The following CTBS variants were observed in gnomAD, a reference collection of about 807,000 sequenced individuals.
CTBS encodes chitobiase, also known as di-N-acetylchitobiase.
CTBS carries 35 observed loss-of-function variants against 44.3 expected under a neutral mutation model. The ratio of observed to expected loss-of-function variants is 0.79; its 90% CI spans 0.60 to 1.05. The LOEUF (loss-of-function observed/expected upper bound fraction) is 1.05. Ranked by LOEUF, CTBS falls within the 50% of genes least tolerant of loss-of-function variation. CTBS has a pLI of 0.00. For missense variants in CTBS, 458 were observed against 475.3 expected, an observed-to-expected ratio of 0.96 and a Z score of 0.34; for synonymous variants, 143 against 168.0, an observed-to-expected ratio of 0.85 and a Z score of 1.15.
chr1:84,563,938 T>C (rs1684641901), intron 4 of CTBS, 106 bp from the exon 5 acceptor site: 1 of 1,268,716 alleles, frequency 7.9e-7, no homozygotes, highest in East Asian at 2.8e-5. Flanking sequence ...CAAGTACATT[T>C]ATAAAAAACA....
In CTBS at chr1:84,553,886, CCCT is replaced by C. The variant is rs1185309857; in HGVS notation, c.*1110_*1112del. On this transcript the variant is annotated 3_prime_UTR_variant, in exon 7 of 7. Coordinates refer to ENST00000370630, the MANE Select transcript of CTBS (RefSeq NM_004388.3). ...GGGCAGCACAATGTTGTTCTTAATT[CCCT>C]GGAGAAAGAAAACAGACTTTATTAC... 2 of 152,058 alleles carry C rather than the reference CCCT, an allele frequency of 1.3e-5. No individual in the cohort carries two copies. Among genetic ancestry groups the C allele is most frequent in the Non-Finnish European group, 2.9e-5 (2 of 67,986 alleles). 9.4% of individuals were successfully genotyped at this position (152,058 alleles called of 1,614,324 possible). A position where few individuals can be genotyped will look rare whatever the true frequency, so the allele number is the denominator to read the frequency against.
intron 4 of CTBS, chr1:84,564,053 T>C (rs1684644573): frequency 5.9e-6 from 1 of 170,300 alleles, no homozygotes. Context: ...TTCAAAACAA[T>C]TAAGATCATA....
chr1:84,568,331 G>A, intron 3 of CTBS, among the ~76,000 whole-genome samples: 1 of 151,376 alleles, frequency 6.6e-6, no homozygotes, highest in African/African-American at 2.5e-5. Flanking sequence ...AGGCCAAAAT[G>A]TGTGAGGAGG....
At chr1:84,573,572 A>C (rs1272187708) in intron 1 of CTBS, among the ~76,000 whole-genome samples, 1 of 152,324 alleles carries the variant, frequency 6.6e-6, no homozygotes, top group African/African-American at 2.4e-5. Flanking sequence ...TCTACAAAAG[A>C]ATCGTTCTTT....
rs756813307 is a variant in CTBS, at chr1:84,555,171, C to T, written c.986G>A (p.Trp329Ter). ...KDPAGHFHQV[W>*]YDNPQSISLK... ...AGAAATACTCTGAGGGTTATCATAC[C>T]ATACTTGATGAAAGTGGCCAGCAGG... Residue 329 changes from tryptophan to a stop codon, truncating the protein, a stop_gained, in exon 7 of 7, where the codon TGG becomes TAG. Coordinates refer to ENST00000370630, the MANE Select transcript of CTBS (RefSeq NM_004388.3). LOFTEE classifies it high-confidence loss of function. 2 of 1,613,548 alleles carry T rather than the reference C, an allele frequency of 1.2e-6. No homozygotes were observed. Among genetic ancestry groups the T allele is most frequent in the Non-Finnish European group, 1.7e-6 (2 of 1,179,730 alleles).
rs1684350286 is a variant in CTBS at position 84,553,909 on chromosome 1, T to C, written c.*1090A>G. ...TTCCCTGGAGAAAGAAAACAGACTT[T>C]ATTACATTTAGAAAACTTATTTGTA... On this transcript the variant is annotated 3_prime_UTR_variant, in exon 7 of 7. Coordinates refer to ENST00000370630, the MANE Select transcript of CTBS (RefSeq NM_004388.3). 1 of 152,206 alleles carries C rather than the reference T, an allele frequency of 6.6e-6. No individual in the cohort carries two copies. Among genetic ancestry groups the C allele is most frequent in the Non-Finnish European group, 1.5e-5 (1 of 68,032 alleles). The allele number at this position is 152,206 out of a possible 1,614,324, so 9.4% of individuals were successfully genotyped here.
Position 84,569,950 on chromosome 1 carries a change from C to A in CTBS, c.506G>T (p.Arg169Leu). The A allele has an allele frequency of 6.2e-7, 1 of 1,608,446 alleles. No homozygotes were observed. Among genetic ancestry groups the A allele is most frequent in the Non-Finnish European group, 8.5e-7 (1 of 1,178,870 alleles). ...TTTTACCTGTGATCCCTCAATTTCA[C>A]GATGGAAAGAGTCTGTAGTTTCTTT... The part of the protein sequence containing the change: ...LVKETTDSFH[R>L]EIEGSQVTFD... Residue 169 changes from arginine (R) to leucine (L), a missense_variant, in exon 3 of 7, where the codon CGT becomes CTT. By Grantham distance (102) the Arg-to-Leu change is moderately radical (BLOSUM62 -2). Transcript: ENST00000370630.
chr1:84,558,861 A>C (rs1684528704), intron 6 of CTBS, among the ~76,000 whole-genome samples: 1 of 152,078 alleles, frequency 6.6e-6, no homozygotes, highest in Non-Finnish European at 1.5e-5. Context: ...TGATTGTGCC[A>C]CTGCACTCCA....
chr1:84,572,686 G>C (rs1647349418), intron 1 of CTBS, among the ~76,000 whole-genome samples: 2 of 149,912 alleles, frequency 1.3e-5, no homozygotes, highest in Admixed American at 6.6e-5. Context: ...TCTTTTTTGA[G>C]ACATAGTCTT....
At position 84,570,584 on chromosome 1, in the gene CTBS, T is replaced by G. The variant is rs1255886252; in HGVS notation, c.314A>C (p.Lys105Thr). Residue 105 changes from lysine to threonine, a missense_variant and splice_region_variant, in exon 2 of 7, where the codon AAA (lysine) becomes ACA (threonine). Transcript: ENST00000370630. ...AHSKGARVVL[K>T]GDVSLKDIID... is the part of the protein sequence containing the mutation. The stretch of plus-strand genomic sequence containing the variant: ...ACATAGATCTGGAAACAACATACCT[T>G]TAAGTACTACTCTGGCTCCTTTTGA... 1.2e-6 allele frequency: 2 copies of G among 1,610,522 alleles called. No homozygotes were observed. Among genetic ancestry groups the G allele is most frequent in the Non-Finnish European group, 1.7e-6 (2 of 1,177,984 alleles).
chr1:84,569,413 G>A (rs1055181093), intron 3 of CTBS, among the ~76,000 whole-genome samples: 8 of 152,180 alleles, frequency 5.3e-5, no homozygotes, highest in African/African-American at 1.9e-4. Context: ...CTGTTGTCTG[G>A]CAAGATAGCT....
chr1:84,570,268 T>A, intron 2 of CTBS, 129 bp from the exon 3 acceptor site: 1 of 737,426 alleles, frequency 1.4e-6, no homozygotes, highest in Non-Finnish European at 2.2e-6. Flanking sequence ...CCATTACTCA[T>A]GAATCTCCAA....
At position 84,553,098 on chromosome 1, in the gene CTBS, AT is replaced by A. The variant is rs1222892624; in HGVS notation, c.*1900del. On this transcript the variant is annotated 3_prime_UTR_variant, in exon 7 of 7. Transcript: ENST00000370630. ...AACTGAACTGGCACAGAAAAAAAAA[AT>A]AATACATCTCTACAATCTCAATTAG... is the stretch of plus-strand genomic sequence containing the variant. 6.6e-6 allele frequency: 10 copies of A among 1,519,792 alleles called. No homozygotes were observed. In the South Asian group the frequency reaches 7.7e-5, roughly 12 times the overall value. 94.1% of individuals were successfully genotyped at this position (1,519,792 alleles called of 1,614,324 possible).
Position 84,550,816 on chromosome 1 carries a change from T to G in CTBS, c.*4183A>C. The G allele has an allele frequency of 6.0e-6, 6 of 1,006,994 alleles. No homozygotes were observed. The highest frequency in any genetic ancestry group is 5.9e-6 in the Non-Finnish European group (5 of 842,938). The allele number at this position is 1,006,994 out of a possible 1,614,324, so 62.4% of individuals were successfully genotyped here. On this transcript the variant is annotated 3_prime_UTR_variant, in exon 7 of 7. Transcript: ENST00000370630. ...TGAGTCAATATATTCTCAAAAAAAATTTTAAGTAGTTTTCCTGTATTAGAA... is the reference window on the plus strand; with the variant it reads ...TGAGTCAATATATTCTCAAAAAAAAGTTTAAGTAGTTTTCCTGTATTAGAA...
rs372258328 is a variant in CTBS, at chr1:84,565,193, T to C, written c.697+648A>G. Among the ~76,000 whole-genome samples, 531 of 151,766 alleles carry C rather than the reference T, an allele frequency of 3.5e-3. 1 individual carries two copies. The highest frequency in any genetic ancestry group is 7.2e-3 in the Admixed American group (109 of 15,244). Reference sequence around the variant, plus strand: ...CAGCCTGGGTGATGGAGTGAGACCCTGCTCAAAAAAATAAAAATTAAAAAA... The same window carrying C: ...CAGCCTGGGTGATGGAGTGAGACCCCGCTCAAAAAAATAAAAATTAAAAAA... On this transcript the variant is annotated intron_variant, in intron 4 of 6. Coordinates refer to ENST00000370630, the MANE Select transcript of CTBS (RefSeq NM_004388.3).
intron 4 of CTBS, 32 bp downstream of exon 4, chr1:84,565,809 T>C (rs41284599): frequency 0.077 from 88,266 of 1,145,042 alleles, 3,820 homozygotes; most frequent in South Asian, 0.089. Context: ...ATTATTAATA[T>C]TATTAATAAA....
intron 4 of CTBS, 30 bp downstream of exon 4, chr1:84,565,811 A>T (rs1044345228): frequency 1.6e-6 from 2 of 1,219,844 alleles, no homozygotes; most frequent in Non-Finnish European, 2.2e-6. Context: ...TATTAATATT[A>T]TTAATAAATG....
At chr1:84,566,965 C>A (rs1364223954) in intron 3 of CTBS, among the ~76,000 whole-genome samples, 1 of 152,190 alleles carries the variant, frequency 6.6e-6, no homozygotes, top group African/African-American at 2.4e-5. Flanking sequence ...CAGCCTTCAA[C>A]AAGAATGTGT....
intron 6 of CTBS, among the ~76,000 whole-genome samples, chr1:84,556,764 G>GAATACAC (rs968738107): frequency 2.7e-5 from 4 of 149,440 alleles, no homozygotes; most frequent in African/African-American, 9.9e-5. Flanking sequence ...CCTGGTAAAT[G>GAATACAC]AATACACTGC....
Sources: gnomAD v4.1 joint callset for allele counts (sites outside exome capture counted in the v4.1 genomes callset) on GRCh38, gnomAD v4.1.1 for gene constraint, MANE v1.5 for transcripts, NCBI Gene and HGNC (gene_info 2026-07-23, HGNC 2026-07-21) for gene names.